Variants in PTK2 observed in about 807,000 individuals in gnomAD.
The protein encoded by PTK2 is protein tyrosine kinase 2.
Under a neutral mutation model 150.1 loss-of-function variants are expected in PTK2, and 45 were observed. That is an observed-to-expected ratio of 0.30 (90% CI 0.24 to 0.38). The LOEUF (loss-of-function observed/expected upper bound fraction) is 0.38, where lower values mean the gene tolerates loss of function less well. Among genes scored for constraint, PTK2 ranks in the 10% least tolerant of loss-of-function variants. The probability of loss-of-function intolerance (pLI) is 1.00; values close to 1 mark genes in which losing one functional copy is unlikely to be tolerated. For synonymous variants in PTK2, 432 were observed against 449.2 expected (o/e 0.96, Z 0.48); for missense variants, 919 against 1,307.3 (o/e 0.70, Z 4.58).
rs76956473 is a variant in PTK2, at chr8:140,845,645, C to T, written c.593+615G>A. 2.2e-3 allele frequency among the ~76,000 whole-genome samples: 336 copies of T among 152,212 alleles called. 12 individuals carry two copies. The East Asian group carries it at 0.061, about 27-fold the overall frequency. On this transcript the variant is annotated intron_variant, in intron 7 of 31. Coordinates refer to ENST00000522684, the Ensembl canonical transcript of PTK2. ...GAGTCTTCCTTTTAGTGGAATGCTT[C>T]CTGGGGGTTAAAATTTTGTTTTATT...
chr8:140,694,038 TTTTC>T lies in PTK2; in HGVS notation c.2499+6849_2499+6852del, dbSNP rs1218477874. ...AAGCTAAGCATCTTTTTTTCTTTTC[TTTTC>T]TTTTTTTTTTTTTTTTGAGATGGAG... is the stretch of plus-strand genomic sequence containing the variant. On this transcript the variant is annotated intron_variant, in intron 26 of 31. Coordinates refer to ENST00000522684, the Ensembl canonical transcript of PTK2. 1.9e-4 allele frequency among the ~76,000 whole-genome samples: 28 copies of T among 149,486 alleles called. No individual in the cohort carries two copies. In the South Asian group the frequency reaches 4.2e-3, roughly 22 times the overall value.
chr8:140,689,843 C>A (rs1341714452), intron 26 of PTK2, among the ~76,000 whole-genome samples: 1 of 152,204 alleles, frequency 6.6e-6, no homozygotes, highest in Non-Finnish European at 1.5e-5. Flanking sequence ...GAGGGACCAG[C>A]TGGGAGCTGG....
intron 3 of PTK2, among the ~76,000 whole-genome samples, chr8:140,881,857 G>C (rs1227230753): frequency 6.6e-6 from 1 of 152,130 alleles, no homozygotes; most frequent in African/African-American, 2.4e-5. Context: ...GGGAAAGGCA[G>C]GTTTCTGTCT....
intron 4 of PTK2, among the ~76,000 whole-genome samples, chr8:140,866,695 G>T (rs1335784712): frequency 6.6e-6 from 1 of 152,216 alleles, no homozygotes; most frequent in Admixed American, 6.5e-5. Context: ...TTCCAGCACA[G>T]ATCATGTCTC....
chr8:140,709,970 A>G (rs1429489374), intron 23 of PTK2, among the ~76,000 whole-genome samples: 2 of 152,174 alleles, frequency 1.3e-5, no homozygotes, highest in East Asian at 1.9e-4. Context: ...ACATACAGGA[A>G]AAAAACAAAA....
At chr8:140,738,849 A>G (rs887855107) in intron 21 of PTK2, among the ~76,000 whole-genome samples, 169 bp downstream of exon 24, 11 of 152,242 alleles carry the variant, frequency 7.2e-5, no homozygotes, top group Non-Finnish European at 1.6e-4. Flanking sequence ...GCTGATGCAC[A>G]GTAGATGTCA....
chr8:140,890,382 A>G, intron 3 of PTK2, 161 bp downstream of exon 3: 1 of 583,068 alleles, frequency 1.7e-6, no homozygotes, highest in South Asian at 2.8e-5. Flanking sequence ...CTGGTCAGTC[A>G]CATATTAACT....
At chr8:140,690,472 C>T (rs939051616) in intron 26 of PTK2, among the ~76,000 whole-genome samples, 1 of 152,096 alleles carries the variant, frequency 6.6e-6, no homozygotes, top group Non-Finnish European at 1.5e-5. Flanking sequence ...GCCCAACTTA[C>T]GATGTGGTCA....
At chr8:140,765,325 T>A (rs1020728429) in intron 14 of PTK2, 2 of 152,202 alleles carry the variant, frequency 1.3e-5, no homozygotes, top group African/African-American at 4.8e-5. Context: ...CATTCAGATA[T>A]TAAAGGTACA....
chr8:140,852,727 G>A (rs781074861), intron 5 of PTK2, among the ~76,000 whole-genome samples: 1 of 152,136 alleles, frequency 6.6e-6, no homozygotes, highest in Non-Finnish European at 1.5e-5. Context: ...GGCTTTACGT[G>A]GAAAGCACCA....
intron 21 of PTK2, among the ~76,000 whole-genome samples, chr8:140,737,119 A>G (rs1488125135): frequency 6.6e-6 from 1 of 152,180 alleles, no homozygotes; most frequent in Admixed American, 6.6e-5. Flanking sequence ...TTCCTGGCAC[A>G]CTTCTTAGAA....
At position 140,815,396 on chromosome 8, in the gene PTK2, G is replaced by C. The variant is rs1048215664; in HGVS notation, c.867+2881C>G. On this transcript the variant is annotated intron_variant, in intron 10 of 31. Coordinates refer to ENST00000522684, the Ensembl canonical transcript of PTK2. ...CAAGGACACACAGAGGGCAACAACA[G>C]ACACTGGGGCCTACCAGAGGGTGGA... Among the ~76,000 whole-genome samples, 4 of 152,048 alleles carry C rather than the reference G, an allele frequency of 2.6e-5. No individual in the cohort carries two copies. The East Asian group carries it at 5.8e-4, about 22-fold the overall frequency.
chr8:140,705,213 A>T (rs1268077178), intron 24 of PTK2, among the ~76,000 whole-genome samples: 1 of 152,200 alleles, frequency 6.6e-6, no homozygotes, highest in Admixed American at 6.5e-5. Context: ...CTGACAGTTA[A>T]GTACCAATAG....
intron 2 of PTK2, among the ~76,000 whole-genome samples, chr8:140,897,570 T>A (rs2100156799): frequency 6.6e-6 from 1 of 152,190 alleles, no homozygotes; most frequent in African/African-American, 2.4e-5. Context: ...CATGTTTTTG[T>A]TGGTCTTGAG....
chr8:140,850,772 T>C (rs925296796), intron 5 of PTK2, among the ~76,000 whole-genome samples: 9 of 152,162 alleles, frequency 5.9e-5, no homozygotes, highest in African/African-American at 1.4e-4. Flanking sequence ...TTTGGACTTC[T>C]TTCTTTGTGC....
intron 4 of PTK2, among the ~76,000 whole-genome samples, chr8:140,866,197 T>A (rs1324025272): frequency 3.9e-5 from 6 of 152,178 alleles, no homozygotes; most frequent in Admixed American, 3.3e-4. Context: ...TCAGTTCCAG[T>A]CAACGATTCA....
chr8:140,735,196 G>A (rs1565328159), intron 22 of PTK2, 55 bp downstream of exon 25: 6 of 1,509,388 alleles, frequency 4.0e-6, no homozygotes, highest in African/African-American at 2.8e-5. Context: ...CTGCAAGGAG[G>A]AGAAGCAGCA....
intron 8 of PTK2, among the ~76,000 whole-genome samples, chr8:140,829,986 G>A (rs1014744232): frequency 6.6e-6 from 1 of 152,116 alleles, no homozygotes; most frequent in African/African-American, 2.4e-5. Flanking sequence ...GGAAGGATAA[G>A]AACTGAGGCT....
At chr8:140,666,188 A>T (rs1332674585) in intron 30 of PTK2, among the ~76,000 whole-genome samples, 6 of 152,142 alleles carry the variant, frequency 3.9e-5, no homozygotes, top group African/African-American at 1.4e-4. Flanking sequence ...AAATACAAAA[A>T]TAAGCCAGGT....
Sources: gnomAD v4.1 joint callset for allele counts (sites outside exome capture counted in the v4.1 genomes callset) on GRCh38, gnomAD v4.1.1 for gene constraint, MANE v1.5 for transcripts, NCBI Gene and HGNC (gene_info 2026-07-23, HGNC 2026-07-21) for gene names.